The following RORB variants were observed in gnomAD, a reference collection of about 807,000 sequenced individuals.
RORB encodes nuclear receptor ROR-beta.
In RORB, 6 loss-of-function variants were observed where a neutral mutation model predicts 59.1. The ratio of observed to expected loss-of-function variants is 0.10; its 90% CI spans 0.06 to 0.20. The LOEUF is 0.20. Ranked by LOEUF, RORB falls within the 10% of genes least tolerant of loss-of-function variation. The pLI is 1.00. For synonymous variants in RORB, 215 were observed against 204.5 expected (o/e 1.05, Z -0.44); for missense variants, 320 against 560.5 (o/e 0.57, Z 4.33).
intron 8 of RORB, 86 bp from the exon 9 acceptor site, chr9:74,671,703 T>C: frequency 1.5e-6 from 1 of 674,734 alleles, no homozygotes; most frequent in Non-Finnish European, 2.5e-6. Context: ...TAATATGAAA[T>C]GGGTCTGAAG....
intron 1 of RORB, among the ~76,000 whole-genome samples, chr9:74,597,032 C>T (rs1479501284): frequency 1.3e-5 from 2 of 152,170 alleles, no homozygotes; most frequent in Non-Finnish European, 2.9e-5. Context: ...CTTTTTTAGA[C>T]CTACAGCAGT....
chr9:74,509,512 G>A (rs1326085524), intron 1 of RORB, among the ~76,000 whole-genome samples: 1 of 151,940 alleles, frequency 6.6e-6, no homozygotes, highest in Non-Finnish European at 1.5e-5. Flanking sequence ...TCATTCAATA[G>A]CCAACATGCA....
At chr9:74,670,246 C>G (rs375075553) in intron 8 of RORB, among the ~76,000 whole-genome samples, 2 of 152,128 alleles carry the variant, frequency 1.3e-5, no homozygotes, top group Non-Finnish European at 2.9e-5. Flanking sequence ...AAAACTAAAC[C>G]TAAGCTGGTG....
intron 8 of RORB, among the ~76,000 whole-genome samples, chr9:74,669,876 A>G (rs949076820): frequency 2.0e-5 from 3 of 152,218 alleles, no homozygotes; most frequent in African/African-American, 7.2e-5. Flanking sequence ...TTCCAATAAC[A>G]CCAATGTCTA....
At chr9:74,619,710 A>C (rs1823377277) in intron 1 of RORB, among the ~76,000 whole-genome samples, 1 of 152,162 alleles carries the variant, frequency 6.6e-6, no homozygotes, top group Non-Finnish European at 1.5e-5. Flanking sequence ...TCAGCCTCCC[A>C]AAGTGCTGGA....
chr9:74,542,134 T>C (rs1325694883), intron 1 of RORB, among the ~76,000 whole-genome samples: 2 of 151,918 alleles, frequency 1.3e-5, no homozygotes. Context: ...TTCTACAAAA[T>C]ATAAATTAAC....
intron 1 of RORB, among the ~76,000 whole-genome samples, chr9:74,506,778 G>A (rs527714594): frequency 1.3e-5 from 2 of 152,182 alleles, no homozygotes; most frequent in South Asian, 4.1e-4. Flanking sequence ...GGACCACAGA[G>A]TCATACCTTT....
chr9:74,584,456 G>A (rs1822768370), intron 1 of RORB, among the ~76,000 whole-genome samples: 1 of 152,106 alleles, frequency 6.6e-6, no homozygotes, highest in South Asian at 2.1e-4. Flanking sequence ...GATAAAACAG[G>A]ACTTACTACA....
intron 3 of RORB, among the ~76,000 whole-genome samples, chr9:74,640,776 G>A (rs1280821785): frequency 6.6e-6 from 1 of 152,058 alleles, no homozygotes; most frequent in Non-Finnish European, 1.5e-5. Context: ...GCCAGTGAGG[G>A]GGCTTAGGAA....
At chr9:74,604,189 A>T (rs1823114411) in intron 1 of RORB, among the ~76,000 whole-genome samples, 1 of 152,240 alleles carries the variant, frequency 6.6e-6, no homozygotes. Flanking sequence ...TCACAGGTTG[A>T]TTCATTTTTT....
intron 1 of RORB, among the ~76,000 whole-genome samples, chr9:74,613,284 G>A (rs1823261128): frequency 6.6e-6 from 1 of 152,168 alleles, no homozygotes; most frequent in African/African-American, 2.4e-5. Context: ...GGTACAAATA[G>A]TTAAGTAATT....
intron 1 of RORB, among the ~76,000 whole-genome samples, chr9:74,580,509 T>C (rs1227419294): frequency 6.6e-6 from 1 of 152,128 alleles, no homozygotes; most frequent in Non-Finnish European, 1.5e-5. Flanking sequence ...GTCTCATTGG[T>C]ACACTAATTG....
At chr9:74,651,684 C>T (rs927499864) in intron 4 of RORB, among the ~76,000 whole-genome samples, 3 of 152,222 alleles carry the variant, frequency 2.0e-5, no homozygotes, top group Middle Eastern at 3.4e-3. Context: ...ATAGGTTAAG[C>T]GACTTCCCCA....
intron 1 of RORB, among the ~76,000 whole-genome samples, chr9:74,534,682 A>T (rs1175799866): frequency 6.6e-6 from 1 of 151,860 alleles, no homozygotes; most frequent in Non-Finnish European, 1.5e-5. Flanking sequence ...ACCATATATA[A>T]ATTCTCTCTG....
rs148261174 is a variant in RORB, at chr9:74,652,001, T to A, written c.638-8616T>A. ...GTTGTTAAATAAAGAAAGCACCCTC[T>A]TAGATAGTTAACTTGTTTTTCCTGC... On this transcript the variant is annotated intron_variant, in intron 4 of 9. Transcript: ENST00000376896. Among the ~76,000 whole-genome samples the A allele has an allele frequency of 2.3e-3, 354 of 152,360 alleles. 1 individual carries two copies. Among genetic ancestry groups the A allele is most frequent in the African/African-American group, 7.7e-3 (322 of 41,596 alleles).
Position 74,691,165 on chromosome 9 carries a change from G to C in RORB, c.*5547G>C, listed in dbSNP as rs1007169168. ...GGCCATAGTAATCTTTGCCTCCTGC[G>C]TGACTGTAAGCATGGCCTCCAGTGG... On this transcript the variant is annotated 3_prime_UTR_variant, in exon 10 of 10. Transcript: ENST00000376896. The C allele has an allele frequency of 6.6e-6, 1 of 152,188 alleles. No homozygotes were observed. The highest frequency in any genetic ancestry group is 2.4e-5 in the African/African-American group (1 of 41,430). 9.4% of individuals were successfully genotyped at this position (152,188 alleles called of 1,614,324 possible). A position where few individuals can be genotyped will look rare whatever the true frequency, so the allele number is the denominator to read the frequency against.
chr9:74,527,897 T>A (rs1349860811), intron 1 of RORB, among the ~76,000 whole-genome samples: 1 of 151,970 alleles, frequency 6.6e-6, no homozygotes, highest in African/African-American at 2.4e-5. Flanking sequence ...CTTCATGCAC[T>A]TGAAGATAGA....
At chr9:74,532,868 G>A (rs1408311583) in intron 1 of RORB, among the ~76,000 whole-genome samples, 54 of 118,976 alleles carry the variant, frequency 4.5e-4, no homozygotes, top group South Asian at 1.1e-3. Flanking sequence ...ATATGTGTGT[G>A]TGTGTATATA....
chr9:74,565,484 T>C (rs575545835), intron 1 of RORB, among the ~76,000 whole-genome samples: 1 of 152,296 alleles, frequency 6.6e-6, no homozygotes, highest in South Asian at 2.1e-4. Flanking sequence ...TGCTGGCAAA[T>C]ATCAGCATCA....
Sources: allele counts gnomAD v4.1 joint callset (sites outside exome capture counted in the v4.1 genomes callset), GRCh38; gene constraint gnomAD v4.1.1; transcripts MANE v1.5; gene names NCBI Gene and HGNC (gene_info 2026-07-23, HGNC 2026-07-21).